The following RHPN2 variants were observed in gnomAD, a reference collection of about 807,000 sequenced individuals.
The protein encoded by RHPN2 is rhophilin Rho GTPase binding protein 2.
In RHPN2, 40 loss-of-function variants were observed where a neutral mutation model predicts 79.0. That is an observed-to-expected ratio of 0.51 (90% CI 0.39 to 0.66). The LOEUF (loss-of-function observed/expected upper bound fraction) is 0.66, where lower values mean the gene tolerates loss of function less well. Ranked by LOEUF, RHPN2 falls within the 30% of genes least tolerant of loss-of-function variation. RHPN2 has a pLI of 0.00. For missense variants in RHPN2, 686 were observed against 883.5 expected (o/e 0.78, Z 2.83); for synonymous variants, 285 against 363.5 (o/e 0.78, Z 2.46).
intron 1 of RHPN2, among the ~76,000 whole-genome samples, chr19:33,060,591 G>A (rs1318913887): frequency 2.0e-5 from 3 of 152,056 alleles, no homozygotes; most frequent in African/African-American, 7.2e-5. Context: ...GGAGTGCAGT[G>A]ACATGATAAC....
chr19:33,064,755 T>TGGGCGCCC, intron 1 of RHPN2, 29 bp downstream of exon 1: 1 of 1,427,948 alleles, frequency 7.0e-7, no homozygotes, highest in Non-Finnish European at 9.4e-7. Context: ...AGCCCGCAGG[T>TGGGCGCCC]CCCCGCCCGC....
chr19:33,061,221 C>CTTT (rs1972276823), intron 1 of RHPN2, among the ~76,000 whole-genome samples: 1 of 143,824 alleles, frequency 7.0e-6, no homozygotes, highest in African/African-American at 2.7e-5. Flanking sequence ...CAGCACCTGC[C>CTTT]TTTCTTTTTT....
Position 33,064,861 on chromosome 19 carries a change from C to A in RHPN2, c.-9G>T, listed in dbSNP as rs976846861. On this transcript the variant is annotated 5_prime_UTR_variant, in exon 1 of 15. Coordinates refer to ENST00000254260, the MANE Select transcript of RHPN2 (RefSeq NM_033103.5). Reference sequence around the variant, plus strand: ...AACAGCGCGTCGGTCATGCTAGCGGCGCGGGCGCGGAGGGCGGACGGCGGA... The same window carrying A: ...AACAGCGCGTCGGTCATGCTAGCGGAGCGGGCGCGGAGGGCGGACGGCGGA... The A allele has an allele frequency of 6.7e-7, 1 of 1,493,176 alleles. No homozygotes were observed. The highest frequency in any genetic ancestry group is 2.1e-5 in the Admixed American group (1 of 47,652). The allele number at this position is 1,493,176 out of a possible 1,614,324, so 92.5% of individuals were successfully genotyped here.
chr19:33,009,725 G>A (rs1971821520), intron 6 of RHPN2, among the ~76,000 whole-genome samples: 1 of 152,076 alleles, frequency 6.6e-6, no homozygotes. Context: ...AACCTGCTGG[G>A]ATTACAGATA....
intron 1 of RHPN2, among the ~76,000 whole-genome samples, chr19:33,048,255 C>T (rs1972157734): frequency 1.3e-5 from 2 of 151,700 alleles, no homozygotes; most frequent in Admixed American, 6.6e-5. Flanking sequence ...GGGGTTTCAC[C>T]GTGTTGGCCA....
At position 33,052,863 on chromosome 19, in the gene RHPN2, T is replaced by C. The variant is rs548426720; in HGVS notation, c.70-8499A>G. 4.2e-4 allele frequency among the ~76,000 whole-genome samples: 64 copies of C among 152,300 alleles called. 2 individuals are homozygous for C. The South Asian group carries it at 4.8e-3, about 11-fold the overall frequency. Reference sequence around the variant, plus strand: ...CACAGGGGTGGAGGGGGGCTCGATATGAGTCAACACAGCCATAATCTTTAG... The same window carrying C: ...CACAGGGGTGGAGGGGGGCTCGATACGAGTCAACACAGCCATAATCTTTAG... On this transcript the variant is annotated intron_variant, in intron 1 of 14. Coordinates refer to ENST00000254260, the MANE Select transcript of RHPN2 (RefSeq NM_033103.5).
chr19:33,034,657 T>TGA (rs1972042005), intron 2 of RHPN2, among the ~76,000 whole-genome samples: 1 of 147,256 alleles, frequency 6.8e-6, no homozygotes, highest in Non-Finnish European at 1.5e-5. Flanking sequence ...GGCACACCCC[T>TGA]GTAGTCCCAG....
chr19:33,046,536 G>C (rs1287185002), intron 1 of RHPN2, among the ~76,000 whole-genome samples: 2 of 152,094 alleles, frequency 1.3e-5, no homozygotes, highest in African/African-American at 2.4e-5. Context: ...CAATATGCTG[G>C]GATTACAGGC....
chr19:33,064,424 CGCA>C (rs1972308724), intron 1 of RHPN2, among the ~76,000 whole-genome samples: 1 of 151,786 alleles, frequency 6.6e-6, no homozygotes, highest in Admixed American at 6.6e-5. Flanking sequence ...AGGGCGCCAG[CGCA>C]GCCAGGAACG....
chr19:32,985,465 G>A (rs1024697576), intron 14 of RHPN2, among the ~76,000 whole-genome samples: 2 of 152,066 alleles, frequency 1.3e-5, no homozygotes, highest in Non-Finnish European at 2.9e-5. Context: ...GTGAAGCCCC[G>A]TCTCTACAAA....
At chr19:32,990,137 T>TAAAAGAAAGAAAGAAAG (rs370372368) in intron 14 of RHPN2, among the ~76,000 whole-genome samples, 33 of 17,882 alleles carry the variant, frequency 1.8e-3, no homozygotes, top group African/African-American at 0.014. Flanking sequence ...AGAAAATGAA[T>TAAAAGAAAGAAAGAAAG]AAAGAAAGAA....
At chr19:32,994,909 G>A (rs8101968) in intron 11 of RHPN2, among the ~76,000 whole-genome samples, 94,025 of 151,780 alleles carry the variant, frequency 0.62, 30,183 homozygotes, top group African/African-American at 0.78. Context: ...CTGAGATCAC[G>A]CCACTGCACT....
chr19:33,061,473 G>A (rs1165983029), intron 1 of RHPN2, among the ~76,000 whole-genome samples: 1 of 150,226 alleles, frequency 6.7e-6, no homozygotes, highest in Non-Finnish European at 1.5e-5. Context: ...CCAAAGTGCT[G>A]GGATTTTTTT....
intron 4 of RHPN2, among the ~76,000 whole-genome samples, chr19:33,018,840 C>T (rs192881291): frequency 2.5e-4 from 37 of 150,922 alleles, no homozygotes; most frequent in African/African-American, 8.5e-4. Flanking sequence ...TGAGACCAGC[C>T]TGGCCAACAT....
chr19:32,984,574 G>A (rs1240201922), intron 14 of RHPN2, among the ~76,000 whole-genome samples: 3 of 152,052 alleles, frequency 2.0e-5, no homozygotes, highest in Non-Finnish European at 4.4e-5. Flanking sequence ...CAGGAGAATC[G>A]CTTGAACCCG....
At chr19:32,985,719 C>T (rs1357961330) in intron 14 of RHPN2, among the ~76,000 whole-genome samples, 2 of 152,196 alleles carry the variant, frequency 1.3e-5, no homozygotes, top group Non-Finnish European at 2.9e-5. Flanking sequence ...GCAACCTCTG[C>T]CTCCCAGGCT....
chr19:32,985,464 C>T (rs1296662747), intron 14 of RHPN2, among the ~76,000 whole-genome samples: 1 of 152,054 alleles, frequency 6.6e-6, no homozygotes, highest in East Asian at 1.9e-4. Context: ...GGTGAAGCCC[C>T]GTCTCTACAA....
intron 11 of RHPN2, 152 bp downstream of exon 11, chr19:32,995,874 C>T: frequency 1.2e-6 from 1 of 831,016 alleles, no homozygotes; most frequent in Non-Finnish European, 2.0e-6. Context: ...GAAAAGAGAA[C>T]TCCAGGGCAA....
Position 32,991,855 on chromosome 19 carries a change from C to T in RHPN2, c.1612G>A (p.Val538Ile), listed in dbSNP as rs1599808159. 1 of 1,613,968 alleles carries T rather than the reference C, an allele frequency of 6.2e-7. No homozygotes were observed. The highest frequency in any genetic ancestry group is 1.3e-5 in the African/African-American group (1 of 75,050). ...FTLRGNAPVQ[V>I]HFLDPYCSAS... ...GAGCAGTAAGGATCCAGGAAGTGAA[C>T]CTGAACGGGGGCGTTCCCTCTCAAG... Residue 538 changes from valine (V) to isoleucine (I), a missense_variant, in exon 13 of 15, where the codon GTT becomes ATT. Transcript: ENST00000254260.
Sources: allele counts gnomAD v4.1 joint callset (sites outside exome capture counted in the v4.1 genomes callset), GRCh38; gene constraint gnomAD v4.1.1; transcripts MANE v1.5; gene names NCBI Gene and HGNC (gene_info 2026-07-23, HGNC 2026-07-21).